Variants in VAT1L observed in about 807,000 individuals in gnomAD.
VAT1L encodes the protein putative NADPH-dependent quinone oxidoreductase VAT1L.
Under a neutral mutation model 44.1 loss-of-function variants are expected in VAT1L, and 34 were observed. The observed-to-expected ratio is 0.77, with a 90% CI of 0.59 to 1.03. VAT1L has a LOEUF of 1.03. Ranked by LOEUF, VAT1L falls within the 50% of genes least tolerant of loss-of-function variation. The pLI, the probability that VAT1L is intolerant of heterozygous loss-of-function variation, is 0.00. For synonymous variants in VAT1L, 253 were observed against 202.2 expected, an observed-to-expected ratio of 1.25 and a Z score of -2.13; for missense variants, 615 against 538.8, an observed-to-expected ratio of 1.14 and a Z score of -1.40.
chr16:77,800,459 G>A (rs1312538282), intron 1 of VAT1L: 2 of 152,168 alleles, frequency 1.3e-5, no homozygotes, highest in Admixed American at 6.5e-5. Flanking sequence ...CCACGACTCT[G>A]TCCCTACCCT....
At chr16:77,973,872 C>G (rs2018306935) in intron 8 of VAT1L, among the ~76,000 whole-genome samples, 1 of 151,840 alleles carries the variant, frequency 6.6e-6, no homozygotes, top group African/African-American at 2.4e-5. Flanking sequence ...ACTACAGGCA[C>G]CTGCCACCAT....
chr16:77,805,844 T>A (rs539895877), intron 1 of VAT1L, among the ~76,000 whole-genome samples: 2 of 150,684 alleles, frequency 1.3e-5, no homozygotes, highest in East Asian at 3.9e-4. Context: ...CTTTTTGTGT[T>A]ATTTTTTCCT....
intron 7 of VAT1L, among the ~76,000 whole-genome samples, chr16:77,965,347 C>G (rs949730843): frequency 1.3e-5 from 2 of 152,166 alleles, no homozygotes; most frequent in Non-Finnish European, 2.9e-5. Flanking sequence ...AAAGCAGAAC[C>G]AGGTTTCAGC....
At chr16:77,855,066 G>A (rs1440194365) in intron 3 of VAT1L, among the ~76,000 whole-genome samples, 1 of 152,142 alleles carries the variant, frequency 6.6e-6, no homozygotes, top group Non-Finnish European at 1.5e-5. Context: ...AAACCGCTGG[G>A]CGTGCTGTTT....
intron 8 of VAT1L, among the ~76,000 whole-genome samples, chr16:77,974,360 A>G (rs1336942891): frequency 6.6e-6 from 1 of 152,136 alleles, no homozygotes; most frequent in Admixed American, 6.5e-5. Context: ...TTTCAAGAAA[A>G]TAGTTGGCAC....
intron 7 of VAT1L, among the ~76,000 whole-genome samples, chr16:77,913,529 A>G (rs1156316174): frequency 6.6e-6 from 1 of 150,902 alleles, no homozygotes; most frequent in African/African-American, 2.4e-5. Flanking sequence ...CCCTCCCTCT[A>G]CTATGATGCT....
intron 1 of VAT1L, among the ~76,000 whole-genome samples, chr16:77,808,419 G>C (rs754826588): frequency 1.3e-5 from 2 of 152,074 alleles, no homozygotes; most frequent in African/African-American, 4.8e-5. Flanking sequence ...AATAATAATA[G>C]AAATACAATG....
At chr16:77,798,485 T>G (rs536645857) in intron 1 of VAT1L, among the ~76,000 whole-genome samples, 9 of 152,272 alleles carry the variant, frequency 5.9e-5, no homozygotes, top group Non-Finnish European at 1.0e-4. Context: ...GCAGCTAAAG[T>G]GCCTAGCAAG....
At chr16:77,924,695 G>A (rs1402252095) in intron 7 of VAT1L, among the ~76,000 whole-genome samples, 2 of 152,138 alleles carry the variant, frequency 1.3e-5, no homozygotes, top group Non-Finnish European at 2.9e-5. Context: ...CTCCTGGCAA[G>A]TGATCTGCCT....
chr16:77,870,236 C>G (rs1482914618), intron 4 of VAT1L, among the ~76,000 whole-genome samples: 1 of 152,172 alleles, frequency 6.6e-6, no homozygotes, highest in Non-Finnish European at 1.5e-5. Flanking sequence ...AGAAGCCTAT[C>G]GCGTACCAGG....
At chr16:77,831,740 T>C (rs1276805564) in intron 3 of VAT1L, among the ~76,000 whole-genome samples, 1 of 152,142 alleles carries the variant, frequency 6.6e-6, no homozygotes, top group South Asian at 2.1e-4. Flanking sequence ...GAAAAACTGA[T>C]GGAATCAGAA....
intron 7 of VAT1L, among the ~76,000 whole-genome samples, chr16:77,957,787 T>A (rs1297326344): frequency 6.7e-6 from 1 of 148,928 alleles, no homozygotes; most frequent in Non-Finnish European, 1.5e-5. Flanking sequence ...AAATTTATAA[T>A]AATAATAATT....
intron 7 of VAT1L, among the ~76,000 whole-genome samples, chr16:77,894,686 T>A (rs1297781419): frequency 6.6e-6 from 1 of 152,144 alleles, no homozygotes; most frequent in African/African-American, 2.4e-5. Flanking sequence ...ATCATACATT[T>A]TAAGTGGGTG....
chr16:77,842,626 A>G (rs944160545), intron 3 of VAT1L, among the ~76,000 whole-genome samples: 1 of 152,222 alleles, frequency 6.6e-6, no homozygotes, highest in African/African-American at 2.4e-5. Context: ...GGGTATGGCC[A>G]AAGCCAGGGG....
intron 5 of VAT1L, among the ~76,000 whole-genome samples, chr16:77,877,512 CAAAAAAAAAAAAAAAAAAAA>C (rs55704400): frequency 2.3e-5 from 2 of 86,798 alleles, no homozygotes; most frequent in Admixed American, 1.2e-4. Context: ...GACTCTGTCT[CAAAAAAAAAAAAAAAAAAAA>C]AAAAAAAAAA....
chr16:77,964,542 G>C (rs2018200875), intron 7 of VAT1L, among the ~76,000 whole-genome samples: 1 of 152,090 alleles, frequency 6.6e-6, no homozygotes. Context: ...GGGGCCCCCA[G>C]ATAATGCAGG....
At chr16:77,870,704 A>G (rs2017022176) in intron 4 of VAT1L, among the ~76,000 whole-genome samples, 1 of 152,248 alleles carries the variant, frequency 6.6e-6, no homozygotes, top group South Asian at 2.1e-4. Context: ...GCAGCAGGAA[A>G]AAGCACACAG....
intron 7 of VAT1L, among the ~76,000 whole-genome samples, chr16:77,949,337 T>G (rs746305774): frequency 6.6e-6 from 1 of 152,062 alleles, no homozygotes; most frequent in Non-Finnish European, 1.5e-5. Context: ...TGGCAGACAA[T>G]GAGTTTCTTC....
intron 2 of VAT1L, among the ~76,000 whole-genome samples, chr16:77,824,617 A>G (rs193155881): frequency 0.015 from 2,316 of 151,486 alleles, 71 homozygotes; most frequent in African/African-American, 0.054. Flanking sequence ...TTAGCCGGGC[A>G]TGGTGACAGG....
Sources: allele counts gnomAD v4.1 joint callset (sites outside exome capture counted in the v4.1 genomes callset), GRCh38; gene constraint gnomAD v4.1.1; transcripts MANE v1.5; gene names NCBI Gene and HGNC (gene_info 2026-07-23, HGNC 2026-07-21).